LRRC4C: variants seen among roughly 807,000 people sequenced by gnomAD.
The protein encoded by LRRC4C is leucine-rich repeat-containing protein 4C.
LRRC4C carries 5 observed loss-of-function variants against 33.6 expected under a neutral mutation model. The ratio of observed to expected loss-of-function variants is 0.15; its 90% CI spans 0.08 to 0.31. The LOEUF (loss-of-function observed/expected upper bound fraction) is 0.31. Among genes scored for constraint, LRRC4C ranks in the 10% least tolerant of loss-of-function variants. LRRC4C has a pLI of 1.00. For synonymous variants in LRRC4C, 329 were observed against 302.0 expected (o/e 1.09, Z -0.93); for missense variants, 560 against 796.7 (o/e 0.70, Z 3.58).
At chr11:40,264,738 G>T (rs569697928) in intron 4 of LRRC4C, among the ~76,000 whole-genome samples, 64 of 152,140 alleles carry the variant, frequency 4.2e-4, no homozygotes, top group Admixed American at 2.6e-4. Flanking sequence ...AATTGTGCTT[G>T]ATATTTCAGA....
chr11:40,453,742 T>C (rs1469248601), intron 3 of LRRC4C, among the ~76,000 whole-genome samples: 2 of 152,120 alleles, frequency 1.3e-5, no homozygotes, highest in Non-Finnish European at 2.9e-5. Context: ...ATATGACATG[T>C]TCAGAATCAG....
intron 2 of LRRC4C, among the ~76,000 whole-genome samples, chr11:40,864,520 TA>T (rs1302939047): frequency 1.3e-5 from 2 of 152,146 alleles, no homozygotes; most frequent in Admixed American, 6.5e-5. Context: ...ACACGTAAAA[TA>T]TGTATTATCT....
intron 3 of LRRC4C, among the ~76,000 whole-genome samples, chr11:40,535,225 C>T (rs555141001): frequency 1.3e-5 from 2 of 152,054 alleles, no homozygotes; most frequent in African/African-American, 4.8e-5. Flanking sequence ...CAACAGACTT[C>T]GAAAATAGGT....
chr11:40,564,728 G>A (rs909979553), intron 3 of LRRC4C, among the ~76,000 whole-genome samples: 4 of 152,232 alleles, frequency 2.6e-5, no homozygotes, highest in Middle Eastern at 3.4e-3. Flanking sequence ...CCCTAAAGAG[G>A]GAATACTTTT....
intron 4 of LRRC4C, among the ~76,000 whole-genome samples, chr11:40,249,317 C>T (rs1013149679): frequency 6.6e-6 from 1 of 151,914 alleles, no homozygotes; most frequent in African/African-American, 2.4e-5. Flanking sequence ...CCAGCCTGGC[C>T]AGAGAGTGAG....
At chr11:40,161,234 C>T (rs1859128017) in intron 5 of LRRC4C, among the ~76,000 whole-genome samples, 1 of 152,176 alleles carries the variant, frequency 6.6e-6, no homozygotes, top group Non-Finnish European at 1.5e-5. Flanking sequence ...AAGAACCCCT[C>T]TCAAATATTA....
At chr11:40,255,604 A>G (rs1024395890) in intron 4 of LRRC4C, among the ~76,000 whole-genome samples, 1 of 152,168 alleles carries the variant, frequency 6.6e-6, no homozygotes, top group Non-Finnish European at 1.5e-5. Flanking sequence ...GAAATGCTCA[A>G]TGCATCTGCT....
chr11:40,172,422 A>C (rs571747335), intron 5 of LRRC4C, among the ~76,000 whole-genome samples: 1 of 152,326 alleles, frequency 6.6e-6, no homozygotes, highest in South Asian at 2.1e-4. Flanking sequence ...AAAGTCAATC[A>C]GATCACTATC....
intron 1 of LRRC4C, among the ~76,000 whole-genome samples, chr11:41,238,386 CATATT>C (rs1027260454): frequency 3.9e-5 from 6 of 152,198 alleles, no homozygotes; most frequent in Non-Finnish European, 7.4e-5. Flanking sequence ...ATTAAAATAA[CATATT>C]ATAATTGATA....
intron 1 of LRRC4C, among the ~76,000 whole-genome samples, chr11:41,362,811 A>G (rs1591354933): frequency 6.6e-6 from 1 of 151,594 alleles, no homozygotes; most frequent in African/African-American, 2.4e-5. Context: ...TTGGCTCATA[A>G]CCCCTTCCTT....
chr11:41,125,745 A>G (rs75843344), intron 1 of LRRC4C, among the ~76,000 whole-genome samples: 1 of 152,170 alleles, frequency 6.6e-6, no homozygotes, highest in Non-Finnish European at 1.5e-5. Context: ...GAACAGTTCA[A>G]CCCACAGCAA....
At chr11:41,329,255 T>C (rs1410879279) in intron 1 of LRRC4C, among the ~76,000 whole-genome samples, 1 of 152,204 alleles carries the variant, frequency 6.6e-6, no homozygotes, top group Non-Finnish European at 1.5e-5. Flanking sequence ...TTCTTGGCAT[T>C]CTATTCATAC....
chr11:41,152,210 T>C (rs1944030250), intron 1 of LRRC4C, among the ~76,000 whole-genome samples: 1 of 152,232 alleles, frequency 6.6e-6, no homozygotes, highest in Non-Finnish European at 1.5e-5. Flanking sequence ...GTATCCTGCC[T>C]ACACCTGAGT....
intron 1 of LRRC4C, among the ~76,000 whole-genome samples, chr11:41,235,376 A>G (rs75899451): frequency 8.0e-4 from 121 of 152,170 alleles, no homozygotes; most frequent in African/African-American, 2.8e-3. Context: ...TATTCAGGTC[A>G]TTTCTAAGAT....
chr11:41,377,507 A>G (rs1284616592), intron 1 of LRRC4C, among the ~76,000 whole-genome samples: 2 of 152,206 alleles, frequency 1.3e-5, no homozygotes, highest in South Asian at 4.1e-4. Flanking sequence ...AAAAACAACG[A>G]TAACCGATAG....
intron 3 of LRRC4C, among the ~76,000 whole-genome samples, chr11:40,363,699 G>T (rs1590453760): frequency 6.6e-6 from 1 of 152,080 alleles, no homozygotes; most frequent in East Asian, 1.9e-4. Flanking sequence ...TTTATCACTA[G>T]ACACTCTAAG....
intron 3 of LRRC4C, among the ~76,000 whole-genome samples, chr11:40,452,653 C>G (rs1342658292): frequency 6.6e-6 from 1 of 152,160 alleles, no homozygotes; most frequent in East Asian, 1.9e-4. Flanking sequence ...ACTAGAAATA[C>G]CATTTGACCC....
chr11:41,443,449 C>G (rs1252402469), intron 1 of LRRC4C, among the ~76,000 whole-genome samples: 1 of 152,122 alleles, frequency 6.6e-6, no homozygotes, highest in East Asian at 1.9e-4. Context: ...GTTGTGGCTA[C>G]AGTGAGCCCT....
rs571951014 is a variant in LRRC4C at position 40,687,248 on chromosome 11, T to A, written c.-406-38970A>T. On this transcript the variant is annotated intron_variant, in intron 2 of 6. Coordinates refer to ENST00000528697, the MANE Select transcript of LRRC4C (RefSeq NM_001258419.2). ...ATGGAGCTGAGATTCAATCCAGGAC[T>A]CCAAACCCATTATGCCATGTTACCT... is the stretch of plus-strand genomic sequence containing the variant. Among the ~76,000 whole-genome samples, 7 of 152,194 alleles carry A rather than the reference T, an allele frequency of 4.6e-5. No individual in the cohort carries two copies. In the East Asian group the frequency reaches 1.2e-3, roughly 25 times the overall value.
Sources: gnomAD v4.1 joint callset for allele counts (sites outside exome capture counted in the v4.1 genomes callset) on GRCh38, gnomAD v4.1.1 for gene constraint, MANE v1.5 for transcripts, NCBI Gene and HGNC (gene_info 2026-07-23, HGNC 2026-07-21) for gene names.